R3HDM2: variants seen among roughly 807,000 people sequenced by gnomAD.
R3HDM2 encodes R3H domain containing 2, also known as R3H domain-containing protein 2.
In R3HDM2, 38 loss-of-function variants were observed where a neutral mutation model predicts 124.5. That is an observed-to-expected ratio of 0.31 (90% CI 0.24 to 0.40). The LOEUF (loss-of-function observed/expected upper bound fraction) is 0.40, where lower values mean the gene tolerates loss of function less well. Ranked by LOEUF, R3HDM2 falls within the 10% of genes least tolerant of loss-of-function variation. R3HDM2 has a pLI of 1.00. For synonymous variants in R3HDM2, 391 were observed against 448.0 expected, an observed-to-expected ratio of 0.87 and a Z score of 1.61; for missense variants, 869 against 1,236.9, an observed-to-expected ratio of 0.70 and a Z score of 4.46.
intron 14 of R3HDM2, among the ~76,000 whole-genome samples, chr12:57,276,965 A>C (rs1378780473): frequency 6.6e-6 from 1 of 151,914 alleles, no homozygotes; most frequent in Non-Finnish European, 1.5e-5. Flanking sequence ...GGGATAAAAG[A>C]CTACAAATAT....
At chr12:57,270,268 C>G (rs1488160430) in intron 14 of R3HDM2, among the ~76,000 whole-genome samples, 1 of 152,048 alleles carries the variant, frequency 6.6e-6, no homozygotes, top group African/African-American at 2.4e-5. Flanking sequence ...TGTTGCCCAG[C>G]CTGGAGTGCA....
intron 1 of R3HDM2, among the ~76,000 whole-genome samples, chr12:57,409,214 T>C (rs1416062007): frequency 1.3e-5 from 2 of 151,978 alleles, no homozygotes; most frequent in African/African-American, 4.8e-5. Context: ...TATGGAAAAA[T>C]ACAATATTCT....
intron 2 of R3HDM2, among the ~76,000 whole-genome samples, chr12:57,326,242 T>A (rs2057299626): frequency 6.6e-6 from 1 of 152,212 alleles, no homozygotes; most frequent in South Asian, 2.1e-4. Context: ...TAAGTAAGCA[T>A]TCAAGTGAAA....
At chr12:57,266,590 G>T in intron 19 of R3HDM2, 141 bp downstream of exon 19, 1 of 671,542 alleles carries the variant, frequency 1.5e-6, no homozygotes. Flanking sequence ...AGCTAAGACT[G>T]TTTTTTCTTT....
At chr12:57,394,772 T>C (rs1319689726) in intron 2 of R3HDM2, among the ~76,000 whole-genome samples, 1 of 152,200 alleles carries the variant, frequency 6.6e-6, no homozygotes, top group African/African-American at 2.4e-5. Context: ...GTGAACAGTA[T>C]CTCAAGCGGG....
intron 1 of R3HDM2, among the ~76,000 whole-genome samples, chr12:57,415,997 A>C (rs2069551032): frequency 6.6e-6 from 1 of 152,208 alleles, no homozygotes; most frequent in Non-Finnish European, 1.5e-5. Context: ...GAGATAACTG[A>C]AGAAATTTAA....
chr12:57,275,270 A>G (rs1261878099), intron 14 of R3HDM2, among the ~76,000 whole-genome samples: 1 of 152,192 alleles, frequency 6.6e-6, no homozygotes, highest in East Asian at 1.9e-4. Flanking sequence ...AGCCACATGT[A>G]GGAGAATGAA....
intron 2 of R3HDM2, among the ~76,000 whole-genome samples, chr12:57,332,912 C>T (rs985639663): frequency 2.0e-5 from 3 of 152,150 alleles, no homozygotes; most frequent in Non-Finnish European, 4.4e-5. Flanking sequence ...CTTTGGATAT[C>T]GCTTTCAATC....
At chr12:57,430,091 A>G (rs1869360294) in intron 1 of R3HDM2, among the ~76,000 whole-genome samples, 1 of 152,106 alleles carries the variant, frequency 6.6e-6, no homozygotes, top group Non-Finnish European at 1.5e-5. Flanking sequence ...TTATTCGGTC[A>G]TTTCTCATCA....
intron 5 of R3HDM2, among the ~76,000 whole-genome samples, chr12:57,299,763 A>G (rs1206697546): frequency 2.0e-5 from 3 of 152,172 alleles, no homozygotes; most frequent in African/African-American, 7.2e-5. Flanking sequence ...GAGGGTACAC[A>G]TAAGAAAATA....
chr12:57,299,908 G>GCACTGC lies in R3HDM2; in HGVS notation c.294+181_294+186dup, dbSNP rs570415973. Among the ~76,000 whole-genome samples, 963 of 152,204 alleles carry GCACTGC rather than the reference G, an allele frequency of 6.3e-3. 12 individuals are homozygous for GCACTGC. The highest frequency in any genetic ancestry group is 0.022 in the African/African-American group (923 of 41,520). ...CCTCCTCCCTGGTGCAGGTCTGTCA[G>GCACTGC]CACTGCCACTGCCACTGGAACCCAC... is the stretch of plus-strand genomic sequence containing the variant. On this transcript the variant is annotated intron_variant, in intron 5 of 23. Coordinates refer to ENST00000402412, the MANE Select transcript of R3HDM2 (RefSeq NM_001394031.1).
chr12:57,289,926 T>C (rs770149531), intron 11 of R3HDM2, among the ~76,000 whole-genome samples: 1 of 152,218 alleles, frequency 6.6e-6, no homozygotes, highest in Non-Finnish European at 1.5e-5. Flanking sequence ...CATGGAATCT[T>C]TGGAGTATGA....
At chr12:57,348,693 CAAAAAA>C (rs1168127324) in intron 2 of R3HDM2, among the ~76,000 whole-genome samples, 4 of 25,148 alleles carry the variant, frequency 1.6e-4, no homozygotes, top group Admixed American at 5.7e-4. Flanking sequence ...GACTCCGTCT[CAAAAAA>C]AAAAAAAAAA....
intron 1 of R3HDM2, among the ~76,000 whole-genome samples, chr12:57,425,244 C>A (rs1398792301): frequency 6.6e-6 from 1 of 151,566 alleles, no homozygotes; most frequent in African/African-American, 2.4e-5. Flanking sequence ...TGCACTCCAA[C>A]CTGGGCAACA....
At chr12:57,357,802 C>T (rs1421100680) in intron 2 of R3HDM2, among the ~76,000 whole-genome samples, 3 of 151,946 alleles carry the variant, frequency 2.0e-5, no homozygotes, top group Non-Finnish European at 4.4e-5. Context: ...ATGCTATAAA[C>T]TTCCATTAAG....
At chr12:57,277,577 A>G (rs1160236588) in intron 14 of R3HDM2, among the ~76,000 whole-genome samples, 1 of 152,112 alleles carries the variant, frequency 6.6e-6, no homozygotes, top group African/African-American at 2.4e-5. Context: ...ACTCCCAAGA[A>G]GCTGGGATTA....
intron 1 of R3HDM2, among the ~76,000 whole-genome samples, chr12:57,413,628 C>T (rs1329995827): frequency 2.0e-5 from 3 of 151,172 alleles, no homozygotes; most frequent in African/African-American, 7.3e-5. Context: ...CCCAGCTACT[C>T]AGGAGGCTGA....
intron 11 of R3HDM2, among the ~76,000 whole-genome samples, chr12:57,289,934 T>G (rs1244568149): frequency 6.6e-6 from 1 of 152,242 alleles, no homozygotes; most frequent in African/African-American, 2.4e-5. Flanking sequence ...CTTTGGAGTA[T>G]GATGGGCTTT....
chr12:57,364,952 CA>C lies in R3HDM2; in HGVS notation c.-36+30796del, dbSNP rs1214204891. 4.1e-3 allele frequency among the ~76,000 whole-genome samples: 192 copies of C among 46,488 alleles called. 1 individual carries two copies. The highest frequency in any genetic ancestry group is 0.012 in the African/African-American group (137 of 11,730). The allele number at this position is 46,488 out of a possible 152,430, so 30.5% of individuals were successfully genotyped here. A position where few individuals can be genotyped will look rare whatever the true frequency, so the allele number is the denominator to read the frequency against. Reference sequence around the variant, plus strand: ...TGGGTGACAGAGTGAGACTCCATCTCAAAAAAAAAAAAAAAAAAAAGGACAC... The same window carrying C: ...TGGGTGACAGAGTGAGACTCCATCTCAAAAAAAAAAAAAAAAAAAGGACAC... On this transcript the variant is annotated intron_variant, in intron 2 of 23. Coordinates refer to ENST00000402412, the MANE Select transcript of R3HDM2 (RefSeq NM_001394031.1).
Sources: gnomAD v4.1 joint callset for allele counts (sites outside exome capture counted in the v4.1 genomes callset) on GRCh38, gnomAD v4.1.1 for gene constraint, MANE v1.5 for transcripts, NCBI Gene and HGNC (gene_info 2026-07-23, HGNC 2026-07-21) for gene names.